CCDC191: variants seen among roughly 807,000 people sequenced by gnomAD.
The protein encoded by CCDC191 is coiled-coil domain containing 191, also known as coiled-coil domain-containing protein 191.
A neutral mutation model predicts 114.0 loss-of-function variants in CCDC191; 99 were observed. That is an observed-to-expected ratio of 0.87 (90% CI 0.74 to 1.03). The LOEUF (loss-of-function observed/expected upper bound fraction) is 1.03. Ranked by LOEUF, CCDC191 falls within the 50% of genes least tolerant of loss-of-function variation. CCDC191 has a pLI of 0.00. For missense variants in CCDC191, 973 were observed against 1,087.0 expected, an observed-to-expected ratio of 0.90 and a Z score of 1.47; for synonymous variants, 351 against 376.0, an observed-to-expected ratio of 0.93 and a Z score of 0.77.
intron 16 of CCDC191, among the ~76,000 whole-genome samples, chr3:113,969,780 G>A (rs904839896): frequency 4.6e-5 from 7 of 152,154 alleles, no homozygotes; most frequent in African/African-American, 1.7e-4. Flanking sequence ...GTCAGGTAGT[G>A]TGATACCTAG....
At chr3:114,028,615 T>G (rs924080395) in intron 7 of CCDC191, among the ~76,000 whole-genome samples, 3 of 152,000 alleles carry the variant, frequency 2.0e-5, no homozygotes, top group Non-Finnish European at 4.4e-5. Context: ...GTACTAGGAT[T>G]ACCCTAATAA....
At position 114,048,141 on chromosome 3, in the gene CCDC191, T is replaced by C. The variant is rs192723106; in HGVS notation, c.130-1409A>G. Reference sequence around the variant, plus strand: ...TCCTTAATCCAATCTATCTCTCTCTTTCTCACCCCACATATAATTGATCAG... The same window carrying C: ...TCCTTAATCCAATCTATCTCTCTCTCTCTCACCCCACATATAATTGATCAG... On this transcript the variant is annotated intron_variant, in intron 2 of 16. Transcript: ENST00000295878. Among the ~76,000 whole-genome samples, 144 of 152,248 alleles carry C rather than the reference T, an allele frequency of 9.5e-4. 4 individuals carry two copies. The East Asian group carries it at 0.016, about 17-fold the overall frequency.
intron 13 of CCDC191, among the ~76,000 whole-genome samples, chr3:113,998,351 G>C (rs111999948): frequency 0.018 from 2,725 of 151,174 alleles, 73 homozygotes; most frequent in East Asian, 0.079. Flanking sequence ...AACAGCCTCA[G>C]GCAGGTCCTT....
rs368183662 is a variant in CCDC191 at position 114,036,748 on chromosome 3, T to C, written c.454A>G (p.Thr152Ala). ...GYLEEEEESTTVQKFIDHLLH... is the reference protein window; with the variant it reads ...GYLEEEEESTAVQKFIDHLLH... ...AGATGGTCTATAAATTTTTGAACGG[T>C]GGTACTTTCCTCTTCTTCCTCCAAA... The change falls in exon 5 of 17, where the codon ACC (threonine) becomes GCC (alanine). Residue 152 changes from threonine (T) to alanine (A), a missense_variant. By Grantham distance (58) the Thr-to-Ala change is moderately conservative. Transcript: ENST00000295878. 57 of 1,584,784 alleles carry C rather than the reference T, an allele frequency of 3.6e-5. No homozygotes were observed. The East Asian group carries it at 4.2e-4, about 12-fold the overall frequency.
chr3:114,031,843 C>A (rs2076409932), intron 6 of CCDC191, 64 bp from the exon 7 acceptor site: 1 of 726,066 alleles, frequency 1.4e-6, no homozygotes, highest in Admixed American at 2.9e-5. Flanking sequence ...GCAATTACAA[C>A]CTACTGTAGC....
At chr3:113,973,837 A>G (rs1941062925) in intron 16 of CCDC191, among the ~76,000 whole-genome samples, 1 of 151,716 alleles carries the variant, frequency 6.6e-6, no homozygotes, top group East Asian at 1.9e-4. Flanking sequence ...CAAGTTTTGG[A>G]AAGTTTCCTA....
chr3:113,979,356 G>C (rs2075057237), intron 14 of CCDC191, among the ~76,000 whole-genome samples: 1 of 152,168 alleles, frequency 6.6e-6, no homozygotes, highest in African/African-American at 2.4e-5. Context: ...AGCTTGGACA[G>C]CAACTCCACA....
At chr3:114,008,656 CA>C (rs2076015545) in intron 9 of CCDC191, among the ~76,000 whole-genome samples, 1 of 151,644 alleles carries the variant, frequency 6.6e-6, no homozygotes, top group Admixed American at 6.6e-5. Flanking sequence ...ACCAAAAAGA[CA>C]AATGACAAAA....
At chr3:113,983,732 G>A (rs1408477906) in intron 13 of CCDC191, among the ~76,000 whole-genome samples, 1 of 152,156 alleles carries the variant, frequency 6.6e-6, no homozygotes, top group Non-Finnish European at 1.5e-5. Context: ...TGTTCAGTGT[G>A]CAAATATGCT....
chr3:114,051,190 C>G (rs1308311388), intron 2 of CCDC191, among the ~76,000 whole-genome samples: 1 of 152,184 alleles, frequency 6.6e-6, no homozygotes, highest in Non-Finnish European at 1.5e-5. Flanking sequence ...CAACATCAAC[C>G]TCTGATCCAT....
At chr3:114,021,148 T>C (rs911535541) in intron 7 of CCDC191, among the ~76,000 whole-genome samples, 1 of 152,146 alleles carries the variant, frequency 6.6e-6, no homozygotes, top group African/African-American at 2.4e-5. Flanking sequence ...TTTTTGCTGC[T>C]TTCATAGTGA....
At chr3:113,999,073 G>A (rs1559895078) in intron 13 of CCDC191, among the ~76,000 whole-genome samples, 1 of 152,162 alleles carries the variant, frequency 6.6e-6, no homozygotes, top group African/African-American at 2.4e-5. Flanking sequence ...TTCTTCAGAA[G>A]TCCGTACATG....
In CCDC191 at chr3:114,036,778, C is replaced by A. The variant is rs751367174; in HGVS notation, c.424G>T (p.Gly142Cys). 6.5e-7 allele frequency: 1 copy of A among 1,541,606 alleles called. No individual in the cohort carries two copies. ...CTTTCCTCTTCTTCCTCCAAATAGC[C>A]ACATAAATCTGGGGGAAACAGAACA... Reference protein sequence around the residue: ...LKYDKFDDLCGYLEEEEESTT... With the variant: ...LKYDKFDDLCCYLEEEEESTT... The change falls in exon 5 of 17, where the codon GGC becomes TGC. Residue 142 changes from glycine to cysteine, a missense_variant. Physicochemically the swap from Gly to Cys is radical, Grantham distance 159 (BLOSUM62 -3). Transcript: ENST00000295878.
At chr3:114,028,768 T>C (rs1303516507) in intron 7 of CCDC191, among the ~76,000 whole-genome samples, 1 of 150,200 alleles carries the variant, frequency 6.7e-6, no homozygotes, top group Non-Finnish European at 1.5e-5. Flanking sequence ...AGTTATTTTA[T>C]ATATATTTAT....
chr3:114,017,102 CTTTTT>C (rs374809107), intron 8 of CCDC191, among the ~76,000 whole-genome samples: 2 of 136,484 alleles, frequency 1.5e-5, no homozygotes, highest in African/African-American at 2.7e-5. Flanking sequence ...CAAGGATTCA[CTTTTT>C]TTTTTTTTTT....
intron 8 of CCDC191, among the ~76,000 whole-genome samples, chr3:114,015,094 G>A (rs935412258): frequency 3.9e-5 from 6 of 151,934 alleles, no homozygotes; most frequent in African/African-American, 1.5e-4. Context: ...GCCTGCCACA[G>A]TACCCTCAAA....
chr3:114,000,187 C>G (rs1348704663), intron 13 of CCDC191, among the ~76,000 whole-genome samples: 5 of 152,138 alleles, frequency 3.3e-5, no homozygotes, highest in African/African-American at 9.7e-5. Context: ...GAGTTGGTGG[C>G]CTTAGTAAAG....
chr3:114,046,306 A>G (rs2076628822), intron 3 of CCDC191, among the ~76,000 whole-genome samples: 1 of 152,242 alleles, frequency 6.6e-6, no homozygotes, highest in Admixed American at 6.5e-5. Context: ...TCAAATTAAC[A>G]TGCTACCATC....
At chr3:113,976,012 CT>C (rs1278994028) in intron 16 of CCDC191, among the ~76,000 whole-genome samples, 1 of 152,130 alleles carries the variant, frequency 6.6e-6, no homozygotes, top group Admixed American at 6.5e-5. Context: ...AATCCTAGCA[CT>C]TTGGGAGGCC....
Sources: gnomAD v4.1 joint callset for allele counts (sites outside exome capture counted in the v4.1 genomes callset) on GRCh38, gnomAD v4.1.1 for gene constraint, MANE v1.5 for transcripts, NCBI Gene and HGNC (gene_info 2026-07-23, HGNC 2026-07-21) for gene names.